The following NPIPB2 variants were observed in gnomAD, a reference collection of about 807,000 sequenced individuals.
NPIPB2 encodes the protein nuclear pore complex-interacting protein family member B2.
Under a neutral mutation model 30.8 loss-of-function variants are expected in NPIPB2, and 27 were observed. The observed-to-expected ratio is 0.88, with a 90% CI of 0.65 to 1.21. The LOEUF is 1.21. Among genes scored for constraint, NPIPB2 ranks in the 50% most tolerant of loss-of-function variants. The pLI is 0.00. For synonymous variants in NPIPB2, 147 were observed against 162.0 expected (o/e 0.91, Z 0.70); for missense variants, 440 against 446.2 (o/e 0.99, Z 0.13).
intron 1 of NPIPB2, among the ~76,000 whole-genome samples, chr16:11,975,212 A>C (rs1596511539): frequency 1.3e-5 from 1 of 79,842 alleles, no homozygotes; most frequent in African/African-American, 4.9e-5. Context: ...CAGTGGCGGG[A>C]TCTCGGCTCA....
At chr16:11,935,592 G>GC (rs2150912232) in intron 2 of NPIPB2, among the ~76,000 whole-genome samples, 1 of 152,186 alleles carries the variant, frequency 6.6e-6, no homozygotes, top group African/African-American at 2.4e-5. Context: ...GGGATTACAG[G>GC]CATGAGCCAC....
intron 1 of NPIPB2, among the ~76,000 whole-genome samples, chr16:11,973,764 G>A (rs2055250412): frequency 6.6e-6 from 1 of 151,960 alleles, no homozygotes; most frequent in Non-Finnish European, 1.5e-5. Context: ...CCAAAGTGCT[G>A]GGATTACAGG....
At chr16:11,974,855 C>T (rs542438729) in intron 1 of NPIPB2, among the ~76,000 whole-genome samples, 11 of 152,060 alleles carry the variant, frequency 7.2e-5, no homozygotes, top group African/African-American at 2.6e-4. Context: ...GGGTGAATCA[C>T]GAGGTCAGGA....
At chr16:11,967,843 G>A (rs746411502) in intron 1 of NPIPB2, 2 of 1,613,406 alleles carry the variant, frequency 1.2e-6, no homozygotes, top group Non-Finnish European at 1.7e-6. Flanking sequence ...ATTTCTGCTA[G>A]GTAATTAACC....
intron 1 of NPIPB2, among the ~76,000 whole-genome samples, chr16:11,972,036 C>G (rs2055238776): frequency 1.3e-5 from 2 of 151,828 alleles, no homozygotes; most frequent in South Asian, 2.1e-4. Context: ...ATCCCAGCTA[C>G]TCGGGAGGCT....
At chr16:11,958,553 G>C (rs2055132594) in intron 1 of NPIPB2, among the ~76,000 whole-genome samples, 1 of 151,908 alleles carries the variant, frequency 6.6e-6, no homozygotes, top group Non-Finnish European at 1.5e-5. Context: ...AACACAGCAA[G>C]ACCCCCATCT....
exon 5 of NPIPB2, chr16:11,930,463 T>C (rs2054776133): frequency 6.4e-7 from 1 of 1,569,718 alleles, no homozygotes; most frequent in African/African-American, 1.4e-5. Flanking sequence ...TAGGTGTGTA[T>C]TTCTTTCATA....
chr16:11,927,334 A>AT (rs1307738467), downstream of NPIPB2: 7 of 815,884 alleles, frequency 8.6e-6, no homozygotes, highest in African/African-American at 1.7e-5. Flanking sequence ...TTGTTTTTTG[A>AT]TTTTTTTATT....
upstream of NPIPB2, among the ~76,000 whole-genome samples, chr16:11,942,300 A>C (rs1258817633): frequency 6.8e-6 from 1 of 147,988 alleles, no homozygotes; most frequent in African/African-American, 2.5e-5. Flanking sequence ...CAAAATTATT[A>C]TTTGCTTGGA....
upstream of NPIPB2, among the ~76,000 whole-genome samples, chr16:11,943,675 C>G (rs528775388): frequency 1.3e-4 from 20 of 149,988 alleles, no homozygotes; most frequent in African/African-American, 4.4e-4. Flanking sequence ...GTACTCCAGC[C>G]TGGGCAACAA....
intron 1 of NPIPB2, among the ~76,000 whole-genome samples, chr16:11,960,586 G>A (rs1453297978): frequency 6.6e-6 from 1 of 152,058 alleles, no homozygotes; most frequent in Non-Finnish European, 1.5e-5. Flanking sequence ...TCAAACTCCT[G>A]ACCTCAGGTT....
At chr16:11,952,827 A>G (rs960449797) in intron 1 of NPIPB2, among the ~76,000 whole-genome samples, 26 of 152,146 alleles carry the variant, frequency 1.7e-4, no homozygotes, top group Admixed American at 1.1e-3. Flanking sequence ...CGGCCTCCCA[A>G]AGTGCTGGGA....
At position 11,965,772 on chromosome 16, in the gene NPIPB2, G is replaced by T. The variant is rs115493339; in HGVS notation, c.-584+10796C>A. 5.7e-3 allele frequency among the ~76,000 whole-genome samples: 864 copies of T among 152,142 alleles called. 13 individuals carry two copies. The highest frequency in any genetic ancestry group is 0.02 in the African/African-American group (820 of 41,498). On this transcript the variant is annotated intron_variant, in intron 1 of 5. Coordinates refer to the NPIPB2 transcript ENST00000538896. ...GAAATAATCCATACTTGATTATTTT[G>T]CTATCAAAACAATCCATAATTCATT...
chr16:11,934,846 A>G (rs1470090560), intron 2 of NPIPB2, among the ~76,000 whole-genome samples: 6 of 113,228 alleles, frequency 5.3e-5, no homozygotes, highest in Non-Finnish European at 1.0e-4. Context: ...TGACAGAGTG[A>G]GACTCTGTCT....
At chr16:11,947,195 C>T (rs1369249796) in intron 1 of NPIPB2, among the ~76,000 whole-genome samples, 1 of 147,616 alleles carries the variant, frequency 6.8e-6, no homozygotes, top group African/African-American at 2.5e-5. Flanking sequence ...CTCAGGATAT[C>T]CTCCTGCCTC....
intron 1 of NPIPB2, among the ~76,000 whole-genome samples, chr16:11,939,616 T>A: frequency 8.5e-6 from 1 of 117,600 alleles, no homozygotes; most frequent in Non-Finnish European, 1.8e-5. Context: ...ATGGCATGAA[T>A]AGTGTGGGAT....
intron 1 of NPIPB2, among the ~76,000 whole-genome samples, chr16:11,952,634 G>C (rs1596501481): frequency 6.7e-6 from 1 of 149,348 alleles, no homozygotes; most frequent in Non-Finnish European, 1.5e-5. Context: ...GCACAATCTC[G>C]GCTCACTGCA....
At chr16:11,935,600 C>T (rs567316543) in intron 2 of NPIPB2, among the ~76,000 whole-genome samples, 3 of 152,266 alleles carry the variant, frequency 2.0e-5, no homozygotes, top group South Asian at 2.1e-4. Context: ...AGGCATGAGC[C>T]ACCACATCTG....
intron 1 of NPIPB2, among the ~76,000 whole-genome samples, chr16:11,958,509 G>A (rs1364550278): frequency 2.6e-5 from 4 of 151,710 alleles, no homozygotes; most frequent in Non-Finnish European, 5.9e-5. Flanking sequence ...TGGGGTGGAT[G>A]GCTTGAGTCT....
Sources: gnomAD v4.1 joint callset for allele counts (sites outside exome capture counted in the v4.1 genomes callset) on GRCh38, gnomAD v4.1.1 for gene constraint, MANE v1.5 for transcripts, NCBI Gene and HGNC (gene_info 2026-07-23, HGNC 2026-07-21) for gene names.